Variants in PTPN4 observed in about 807,000 individuals in gnomAD.
PTPN4 encodes the protein tyrosine-protein phosphatase non-receptor type 4.
Under a neutral mutation model 135.5 loss-of-function variants are expected in PTPN4, and 49 were observed. The ratio of observed to expected loss-of-function variants is 0.36; its 90% CI spans 0.29 to 0.46. The LOEUF (loss-of-function observed/expected upper bound fraction) is 0.46. Ranked by LOEUF, PTPN4 falls within the 20% of genes least tolerant of loss-of-function variation. The pLI, the probability that PTPN4 is intolerant of heterozygous loss-of-function variation, is 1.00. For missense variants in PTPN4, 860 were observed against 1,101.0 expected (o/e 0.78, Z 3.10); for synonymous variants, 333 against 369.9 (o/e 0.90, Z 1.14).
At chr2:119,923,084 T>A (rs574019135) in intron 12 of PTPN4, among the ~76,000 whole-genome samples, 70 of 152,298 alleles carry the variant, frequency 4.6e-4, no homozygotes, top group Admixed American at 1.4e-3. Flanking sequence ...AATTAAATAT[T>A]TTAAAATAAT....
At chr2:119,816,060 T>C (rs1676981352) in intron 2 of PTPN4, among the ~76,000 whole-genome samples, 1 of 152,186 alleles carries the variant, frequency 6.6e-6, no homozygotes, top group East Asian at 1.9e-4. Flanking sequence ...GTTAGGTGAT[T>C]TCATCATTGT....
At chr2:119,830,582 C>T (rs1358358608) in intron 2 of PTPN4, among the ~76,000 whole-genome samples, 1 of 152,114 alleles carries the variant, frequency 6.6e-6, no homozygotes, top group South Asian at 2.1e-4. Flanking sequence ...AGTTCTCCTG[C>T]CTCAGCCTCC....
At chr2:119,839,236 A>T (rs1006201866) in intron 2 of PTPN4, among the ~76,000 whole-genome samples, 94 of 152,162 alleles carry the variant, frequency 6.2e-4, no homozygotes, top group African/African-American at 2.1e-3. Flanking sequence ...TACTAATTTT[A>T]GGAGAATTTG....
intron 1 of PTPN4, among the ~76,000 whole-genome samples, chr2:119,804,444 G>A (rs112725379): frequency 1.3e-5 from 2 of 152,086 alleles, no homozygotes; most frequent in Admixed American, 6.5e-5. Flanking sequence ...TCCACCCAAC[G>A]ACAGGCCCCC....
intron 10 of PTPN4, among the ~76,000 whole-genome samples, chr2:119,910,991 G>T (rs1678563124): frequency 1.3e-5 from 2 of 152,098 alleles, no homozygotes; most frequent in Admixed American, 1.3e-4. Context: ...GAGAAGAAAA[G>T]AAACTTGAAT....
intron 2 of PTPN4, among the ~76,000 whole-genome samples, chr2:119,844,581 CGGCCGGGCAGA>C (rs1677455513): frequency 6.8e-6 from 1 of 148,032 alleles, no homozygotes; most frequent in African/African-American, 2.5e-5. Context: ...GACGGGGTCT[CGGCCGGGCAGA>C]GGCGCTCCTC....
At position 119,809,958 on chromosome 2, in the gene PTPN4, T is replaced by C. The variant is rs755181333; in HGVS notation, c.105T>C (p.Leu35=). Residue 35 remains leucine (L), a synonymous_variant, in exon 2 of 27, where the codon CTT becomes CTC. Coordinates refer to ENST00000263708, the MANE Select transcript of PTPN4 (RefSeq NM_002830.4). ...CTGAAGTGGTTTGCAACATCCTTCT[T>C]CTGGATAACACTGTACAAGCTTTCA... ...QHTEVVCNIL[L]LDNTVQAFKV... 6.2e-6 allele frequency: 10 copies of C among 1,613,620 alleles called. No individual in the cohort carries two copies. The highest frequency in any genetic ancestry group is 1.7e-4 in the Middle Eastern group (1 of 6,060).
At chr2:119,872,932 A>G (rs1414066022) in intron 3 of PTPN4, among the ~76,000 whole-genome samples, 1 of 152,156 alleles carries the variant, frequency 6.6e-6, no homozygotes, top group Admixed American at 6.5e-5. Context: ...TCCAAATTAT[A>G]TTTTCTTTAA....
chr2:119,924,634 AT>A (rs1185820695), intron 12 of PTPN4, among the ~76,000 whole-genome samples: 2 of 152,136 alleles, frequency 1.3e-5, no homozygotes, highest in African/African-American at 4.8e-5. Context: ...ACAGTTTTTC[AT>A]TTTGTTGTAA....
Position 119,946,540 on chromosome 2 carries a change from CT to C in PTPN4, c.1623del (p.Val542Ter), listed in dbSNP as rs749149184. On this transcript the variant is annotated frameshift_variant, in exon 18 of 27. Coordinates refer to ENST00000263708, the MANE Select transcript of PTPN4 (RefSeq NM_002830.4). LOFTEE classifies it high-confidence loss of function. Reference protein sequence around the residue: ...NVKGGYDQKMPVIVSRVAPGT... With the variant: ...NVKGGYDQKMXVIVSRVAPGT... Reference sequence around the variant, plus strand: ...AAGGGAGGATATGATCAGAAGATGCCTGTGATTGTGTCTCGAGTAGCACCAG... The same window carrying C: ...AAGGGAGGATATGATCAGAAGATGCCGTGATTGTGTCTCGAGTAGCACCAG... The C allele has an allele frequency of 6.2e-7, 1 of 1,609,478 alleles. No individual in the cohort carries two copies. The highest frequency in any genetic ancestry group is 1.3e-5 in the African/African-American group (1 of 74,910).
intron 3 of PTPN4, among the ~76,000 whole-genome samples, chr2:119,868,086 A>C (rs992788147): frequency 6.6e-6 from 1 of 152,204 alleles, no homozygotes; most frequent in African/African-American, 2.4e-5. Context: ...ACTGAGGCAT[A>C]AATTACAGAG....
At chr2:119,917,310 A>G (rs939632969) in intron 11 of PTPN4, among the ~76,000 whole-genome samples, 1 of 152,248 alleles carries the variant, frequency 6.6e-6, no homozygotes, top group African/African-American at 2.4e-5. Flanking sequence ...TAAAGACAGT[A>G]TACAGGGATC....
intron 18 of PTPN4, among the ~76,000 whole-genome samples, chr2:119,948,362 A>G (rs927780023): frequency 6.6e-5 from 10 of 152,118 alleles, no homozygotes; most frequent in Non-Finnish European, 1.3e-4. Flanking sequence ...AGGAACACAA[A>G]TAGTTTCTTA....
intron 5 of PTPN4, 68 bp downstream of exon 5, chr2:119,877,610 T>G: frequency 6.6e-7 from 1 of 1,515,310 alleles, no homozygotes. Flanking sequence ...TGAAATTAAT[T>G]AGGCAAAAAG....
intron 2 of PTPN4, among the ~76,000 whole-genome samples, chr2:119,810,233 T>A (rs72969141): frequency 0.025 from 3,860 of 152,296 alleles, 164 homozygotes; most frequent in African/African-American, 0.087. Flanking sequence ...GTAGAGCAGA[T>A]CCATAGTATG....
At chr2:119,872,648 C>G (rs930934108) in intron 3 of PTPN4, among the ~76,000 whole-genome samples, 1 of 152,132 alleles carries the variant, frequency 6.6e-6, no homozygotes, top group Non-Finnish European at 1.5e-5. Context: ...TACAGTTTAC[C>G]TCTTTCTTTT....
intron 15 of PTPN4, among the ~76,000 whole-genome samples, chr2:119,940,340 C>G (rs1037431147): frequency 6.6e-6 from 1 of 152,140 alleles, no homozygotes; most frequent in African/African-American, 2.4e-5. Flanking sequence ...TTATCTGTAT[C>G]TAATGTAATA....
At chr2:119,880,350 A>T (rs1040012540) in intron 5 of PTPN4, among the ~76,000 whole-genome samples, 3 of 152,200 alleles carry the variant, frequency 2.0e-5, no homozygotes, top group Admixed American at 1.3e-4. Flanking sequence ...CAGATTTACA[A>T]TATTATGGCA....
chr2:119,775,192 T>C (rs906699635), intron 1 of PTPN4, among the ~76,000 whole-genome samples: 7 of 146,010 alleles, frequency 4.8e-5, no homozygotes, highest in African/African-American at 1.8e-4. Context: ...AAAGATAGGC[T>C]AACTCCACTG....
Sources: gnomAD v4.1 joint callset for allele counts (sites outside exome capture counted in the v4.1 genomes callset) on GRCh38, gnomAD v4.1.1 for gene constraint, MANE v1.5 for transcripts, NCBI Gene and HGNC (gene_info 2026-07-23, HGNC 2026-07-21) for gene names.